YIPF4: variants seen among roughly 807,000 people sequenced by gnomAD.
The protein encoded by YIPF4 is Yip1 domain family member 4.
In YIPF4, 18 loss-of-function variants were observed where a neutral mutation model predicts 29.4. The observed-to-expected ratio is 0.61, with a 90% CI of 0.42 to 0.91. YIPF4 has a LOEUF of 0.91. Ranked by LOEUF, YIPF4 falls within the 40% of genes least tolerant of loss-of-function variation. The pLI is 0.00. For synonymous variants in YIPF4, 115 were observed against 104.7 expected (o/e 1.10, Z -0.60); for missense variants, 279 against 282.7 (o/e 0.99, Z 0.09).
At chr2:32,291,337 T>C (rs1412355166) in intron 2 of YIPF4, among the ~76,000 whole-genome samples, 4 of 152,170 alleles carry the variant, frequency 2.6e-5, no homozygotes, top group Non-Finnish European at 4.4e-5. Context: ...AAGTTCAAGA[T>C]GAGCCTGGCC....
intron 1 of YIPF4, among the ~76,000 whole-genome samples, chr2:32,285,656 CTTTT>C (rs1177156259): frequency 4.4e-5 from 6 of 137,876 alleles, no homozygotes; most frequent in Non-Finnish European, 4.7e-5. Context: ...TTAGTTTTTC[CTTTT>C]TTTTTTTTTT....
intron 3 of YIPF4, among the ~76,000 whole-genome samples, chr2:32,297,357 G>A (rs976024991): frequency 6.6e-6 from 1 of 151,974 alleles, no homozygotes; most frequent in African/African-American, 2.4e-5. Flanking sequence ...CCGACCTCAG[G>A]TTATCTGCCT....
intron 1 of YIPF4, among the ~76,000 whole-genome samples, chr2:32,285,785 A>C (rs539740426): frequency 6.6e-6 from 1 of 151,704 alleles, no homozygotes; most frequent in Non-Finnish European, 1.5e-5. Flanking sequence ...CCTCCCAAGT[A>C]GCTGGGATTA....
chr2:32,288,680 C>T (rs1363377937), intron 1 of YIPF4, among the ~76,000 whole-genome samples: 6 of 152,122 alleles, frequency 3.9e-5, no homozygotes, highest in African/African-American at 7.2e-5. Flanking sequence ...CATGCTGGTA[C>T]ACGCCAGTAA....
At chr2:32,286,437 CA>C (rs2030673379) in intron 1 of YIPF4, among the ~76,000 whole-genome samples, 1 of 152,018 alleles carries the variant, frequency 6.6e-6, no homozygotes, top group African/African-American at 2.4e-5. Flanking sequence ...TAATTATTTA[CA>C]GTATGAAAAT....
chr2:32,305,759 CT>C lies in YIPF4; in HGVS notation c.*138del, dbSNP rs2031560149. ...CCAGATGGAAAGGGAAGTCTAAGCG[CT>C]TTTTAAAACAATTTTTTTTTGTATT... On this transcript the variant is annotated 3_prime_UTR_variant, in exon 6 of 6. Coordinates refer to ENST00000238831, the MANE Select transcript of YIPF4 (RefSeq NM_032312.4). 8.0e-7 allele frequency: 1 copy of C among 1,253,092 alleles called. No homozygotes were observed. The highest frequency in any genetic ancestry group is 4.1e-5 in the Admixed American group (1 of 24,198). 77.6% of individuals were successfully genotyped at this position (1,253,092 alleles called of 1,614,324 possible). A position where few individuals can be genotyped will look rare whatever the true frequency, so the allele number is the denominator to read the frequency against.
intron 1 of YIPF4, among the ~76,000 whole-genome samples, chr2:32,285,690 G>A: frequency 1.4e-5 from 2 of 144,034 alleles, no homozygotes; most frequent in Middle Eastern, 3.8e-3. Context: ...GAGTCTTGCT[G>A]TGTCACCCAG....
At chr2:32,298,409 TC>T in intron 4 of YIPF4, 98 bp downstream of exon 4, 1 of 869,886 alleles carries the variant, frequency 1.1e-6, no homozygotes, top group Non-Finnish European at 1.8e-6. Flanking sequence ...AACTTTCTTG[TC>T]CCAGAATTGC....
chr2:32,286,655 C>G (rs1031594401), intron 1 of YIPF4, among the ~76,000 whole-genome samples: 17 of 152,028 alleles, frequency 1.1e-4, no homozygotes, highest in African/African-American at 3.9e-4. Context: ...AAGTGATTCT[C>G]CTGCCTCAGC....
rs1293559093 is a variant in YIPF4, at chr2:32,307,685, T to TG, written c.*2062dup. 6.6e-6 allele frequency: 1 copy of TG among 152,260 alleles called. No homozygotes were observed. Among genetic ancestry groups the TG allele is most frequent in the Non-Finnish European group, 1.5e-5 (1 of 68,140 alleles). The allele number at this position is 152,260 out of a possible 1,614,324, so 9.4% of individuals were successfully genotyped here. On this transcript the variant is annotated 3_prime_UTR_variant, in exon 6 of 6. Transcript: ENST00000238831. The stretch of plus-strand genomic sequence containing the variant: ...GCTCACGCCTGTAATCCCAGCACTT[T>TG]GGGAGGCCAAAGTGGATGAGCAGCT...
intron 5 of YIPF4, among the ~76,000 whole-genome samples, chr2:32,304,437 A>G (rs1285924419): frequency 6.6e-6 from 1 of 151,926 alleles, no homozygotes; most frequent in East Asian, 1.9e-4. Context: ...TTTAAGTTCA[A>G]CAAACCCAGT....
intron 2 of YIPF4, among the ~76,000 whole-genome samples, chr2:32,291,353 G>A (rs554552310): frequency 1.3e-5 from 2 of 152,288 alleles, no homozygotes; most frequent in South Asian, 4.1e-4. Context: ...TGGCCAACAT[G>A]GCGAAACCCC....
chr2:32,279,599 CG>C (rs1185551252), intron 1 of YIPF4, among the ~76,000 whole-genome samples: 1 of 142,912 alleles, frequency 7.0e-6, no homozygotes, highest in Non-Finnish European at 1.5e-5. Context: ...TTAGTAGAGA[CG>C]GGGTTTCATA....
At chr2:32,291,776 T>G (rs2030928683) in intron 2 of YIPF4, among the ~76,000 whole-genome samples, 1 of 152,084 alleles carries the variant, frequency 6.6e-6, no homozygotes, top group Non-Finnish European at 1.5e-5. Flanking sequence ...AAGAAAGAAT[T>G]TCCCCAGAGA....
chr2:32,311,631 T>C lies in YIPF4; in HGVS notation c.*6005T>C, dbSNP rs552765868. 1.3e-5 allele frequency: 2 copies of C among 152,334 alleles called. No homozygotes were observed. Among genetic ancestry groups the C allele is most frequent in the African/African-American group, 2.4e-5 (1 of 41,580 alleles). The allele number at this position is 152,334 out of a possible 1,614,324, so 9.4% of individuals were successfully genotyped here. ...AAATATTTTGAAGTTGTAATTAGTG[T>C]ATATACAAGTTGTTAATACTTACGA... On this transcript the variant is annotated 3_prime_UTR_variant, in exon 6 of 6. Coordinates refer to ENST00000238831, the MANE Select transcript of YIPF4 (RefSeq NM_032312.4).
At chr2:32,290,248 T>G (rs2030851152) in intron 1 of YIPF4, among the ~76,000 whole-genome samples, 1 of 152,214 alleles carries the variant, frequency 6.6e-6, no homozygotes, top group Admixed American at 6.5e-5. Context: ...TCTGGCTAAT[T>G]AGCTGTGAAA....
rs571366724 is a variant in YIPF4 at position 32,306,713 on chromosome 2, A to C, written c.*1087A>C. The C allele has an allele frequency of 3.8e-6, 2 of 519,618 alleles. No homozygotes were observed. Among genetic ancestry groups the C allele is most frequent in the East Asian group, 3.0e-4 (2 of 6,748 alleles). The allele number at this position is 519,618 out of a possible 1,614,324, so 32.2% of individuals were successfully genotyped here. On this transcript the variant is annotated 3_prime_UTR_variant, in exon 6 of 6. Transcript: ENST00000238831. Reference sequence around the variant, plus strand: ...AAATATTTGTTGCAAATAATTTCATAGGTTTTTAGATACACCTGTAGTTAA... The same window carrying C: ...AAATATTTGTTGCAAATAATTTCATCGGTTTTTAGATACACCTGTAGTTAA...
chr2:32,299,316 T>G (rs1484840466), intron 4 of YIPF4, among the ~76,000 whole-genome samples: 3 of 152,134 alleles, frequency 2.0e-5, no homozygotes, highest in African/African-American at 7.2e-5. Flanking sequence ...GTTAGAAGAG[T>G]AGCATTATTT....
intron 1 of YIPF4, among the ~76,000 whole-genome samples, chr2:32,279,804 TA>T (rs1423734344): frequency 6.6e-6 from 1 of 151,946 alleles, no homozygotes; most frequent in East Asian, 1.9e-4. Context: ...CATTGTTTTT[TA>T]AAAATAGTAC....
Sources: allele counts gnomAD v4.1 joint callset (sites outside exome capture counted in the v4.1 genomes callset), GRCh38; gene constraint gnomAD v4.1.1; transcripts MANE v1.5; gene names NCBI Gene and HGNC (gene_info 2026-07-23, HGNC 2026-07-21).